The following PTH1R variants were observed in gnomAD, a reference collection of about 807,000 sequenced individuals.
PTH1R encodes parathyroid hormone 1 receptor.
A neutral mutation model predicts 70.7 loss-of-function variants in PTH1R; 32 were observed. The ratio of observed to expected loss-of-function variants is 0.45; its 90% CI spans 0.34 to 0.61. The LOEUF (loss-of-function observed/expected upper bound fraction) is 0.61, where lower values mean the gene tolerates loss of function less well. Ranked by LOEUF, PTH1R falls within the 20% of genes least tolerant of loss-of-function variation. The pLI, the probability that PTH1R is intolerant of heterozygous loss-of-function variation, is 0.01. For missense variants in PTH1R, 626 were observed against 792.5 expected, an observed-to-expected ratio of 0.79 and a Z score of 2.52; for synonymous variants, 329 against 324.8, an observed-to-expected ratio of 1.01 and a Z score of -0.14.
chr3:46,903,626 G>T lies in PTH1R; in HGVS notation c.1752G>T (p.Leu584=). 1 of 1,611,926 alleles carries T rather than the reference G, an allele frequency of 6.2e-7. No homozygotes were observed. The change falls in exon 16 of 16, where the codon CTG becomes CTT. Residue 584 remains leucine, a synonymous_variant. Coordinates refer to ENST00000449590, the MANE Select transcript of PTH1R (RefSeq NM_000316.3). This position sits in a 1 kb window ranked among gnomAD's most constrained non-coding sequence, Gnocchi z 4.4. ...CTGGGCCTGAGCGGCCACCTGCCCT[G>T]CTACAGGAAGAGTGGGAGACAGTCA... The part of the protein sequence containing the change: ...EASGPERPPA[L]LQEEWETVM
chr3:46,883,717 T>C lies in PTH1R; in HGVS notation c.75+83T>C. 6.7e-7 allele frequency: 1 copy of C among 1,485,648 alleles called. No homozygotes were observed. The highest frequency in any genetic ancestry group is 9.1e-7 in the Non-Finnish European group (1 of 1,097,798). 92.0% of individuals were successfully genotyped at this position (1,485,648 alleles called of 1,614,324 possible). A position where few individuals can be genotyped will look rare whatever the true frequency, so the allele number is the denominator to read the frequency against. On this transcript the variant is annotated intron_variant, in intron 3 of 15. Transcript: ENST00000449590. This position sits in a 1 kb window ranked among gnomAD's most constrained non-coding sequence, Gnocchi z 6.4. ...GGGATAGGTCTAAGGCACGCAGTCT[T>C]GAGTTCCCCCAGTAGTTCGAACTTT...
intron 9 of PTH1R, 134 bp from the exon 10 acceptor site, chr3:46,899,169 C>A (rs2031959354): frequency 8.2e-7 from 1 of 1,225,502 alleles, no homozygotes; most frequent in Non-Finnish European, 1.2e-6. Flanking sequence ...GAGAGCCCCC[C>A]AAACGAAGCC....
In PTH1R at chr3:46,898,511, A is replaced by G. The variant is rs948491062; in HGVS notation, c.638+39A>G. The G allele has an allele frequency of 2.0e-6, 3 of 1,477,348 alleles. No individual in the cohort carries two copies. In the African/African-American group the frequency reaches 4.1e-5, roughly 20 times the overall value. The allele number at this position is 1,477,348 out of a possible 1,614,324, so 91.5% of individuals were successfully genotyped here. On this transcript the variant is annotated intron_variant, in intron 8 of 15. Coordinates refer to ENST00000449590, the MANE Select transcript of PTH1R (RefSeq NM_000316.3). ...GGCGAGAGGCGGCGGGACATGGTGG[A>G]GGGGGGGCGGTGGCCGAGGTCTGAT...
Position 46,893,818 on chromosome 3 carries a change from G to C in PTH1R, c.76-89G>C. On this transcript the variant is annotated intron_variant, in intron 3 of 15. Coordinates refer to ENST00000449590, the MANE Select transcript of PTH1R (RefSeq NM_000316.3). The surrounding 1 kb of genome is among the most constrained non-coding windows in gnomAD (Gnocchi z 5.2). ...CTCTAGAGTCAGGGCCTTTTGAAAG[G>C]GGGTAGTCCCTCTGGGAAATTGGGA... 2.5e-6 allele frequency: 3 copies of C among 1,217,876 alleles called. No homozygotes were observed. Among genetic ancestry groups the C allele is most frequent in the South Asian group, 2.6e-5 (2 of 78,340 alleles). The allele number at this position is 1,217,876 out of a possible 1,614,324, so 75.4% of individuals were successfully genotyped here. A position where few individuals can be genotyped will look rare whatever the true frequency, so the allele number is the denominator to read the frequency against.
At position 46,902,580 on chromosome 3, in the gene PTH1R, T is replaced by C. The variant is rs1385509617; in HGVS notation, c.1266T>C (p.Ile422=). Residue 422 remains isoleucine (I), a synonymous_variant, in exon 14 of 16, where the codon ATT becomes ATC. Coordinates refer to ENST00000449590, the MANE Select transcript of PTH1R (RefSeq NM_000316.3). The surrounding 1 kb of genome is among the most constrained non-coding windows in gnomAD (Gnocchi z 5.4). ...TGCCCCTCTTTGGCGTCCACTACAT[T>C]GTCTTCATGGCCACACCATACACCG... ...VLMPLFGVHY[I]VFMATPYTEV... is the part of the protein sequence containing the mutation. 1 of 1,613,652 alleles carries C rather than the reference T, an allele frequency of 6.2e-7. No individual in the cohort carries two copies.
intron 8 of PTH1R, 64 bp from the exon 9 acceptor site, chr3:46,898,598 G>A: frequency 6.2e-7 from 1 of 1,604,692 alleles, no homozygotes; most frequent in African/African-American, 1.3e-5. Context: ...GCACAACCCA[G>A]CTTCCTGTCC....
chr3:46,899,558 C>T, intron 10 of PTH1R, 102 bp downstream of exon 10: 1 of 1,447,420 alleles, frequency 6.9e-7, no homozygotes, highest in Admixed American at 1.9e-5. Context: ...GCACATCCCG[C>T]CCCAAGTGGA....
rs1290499618 is a variant in PTH1R at position 46,879,129 on chromosome 3, G to C, written c.-106+1286G>C. ...ATGATCTGTGGCCCCACCCACAGCT[G>C]TGGAATGTCCAGCAGGGGACTCTGG... On this transcript the variant is annotated intron_variant, in intron 1 of 15. Transcript: ENST00000449590. The surrounding 1 kb of genome is among the most constrained non-coding windows in gnomAD (Gnocchi z 4.7). Among the ~76,000 whole-genome samples the C allele has an allele frequency of 6.6e-6, 1 of 152,192 alleles. No individual in the cohort carries two copies. Among genetic ancestry groups the C allele is most frequent in the Non-Finnish European group, 1.5e-5 (1 of 68,030 alleles).
At chr3:46,887,450 G>C (rs2031104033) in intron 3 of PTH1R, among the ~76,000 whole-genome samples, 1 of 128,414 alleles carries the variant, frequency 7.8e-6, no homozygotes, top group African/African-American at 2.9e-5. Flanking sequence ...GTGAGCCCCT[G>C]TCTCTGAAAA....
chr3:46,896,974 A>C lies in PTH1R; in HGVS notation c.314-881A>C, dbSNP rs184374229. ...CCAATGTGGTTAATCCCAACTTCCC[A>C]ATGAGGAAATGGAAATAGAAAGACT... On this transcript the variant is annotated intron_variant, in intron 5 of 15. Coordinates refer to ENST00000449590, the MANE Select transcript of PTH1R (RefSeq NM_000316.3). The surrounding 1 kb of genome is among the most constrained non-coding windows in gnomAD (Gnocchi z 4.1). 7.0e-3 allele frequency among the ~76,000 whole-genome samples: 1,061 copies of C among 152,298 alleles called. 10 individuals carry two copies. Among genetic ancestry groups the C allele is most frequent in the Middle Eastern group, 0.031 (9 of 292 alleles).
In PTH1R at chr3:46,902,803, C is replaced by T; in HGVS notation, c.1395+13C>T. 6.2e-7 allele frequency: 1 copy of T among 1,613,636 alleles called. No homozygotes were observed. The highest frequency in any genetic ancestry group is 8.5e-7 in the Non-Finnish European group (1 of 1,180,002). ...CTGCAATGGCGAGGTAAGCAGGAGA[C>T]AGTGTTGGCATAGGGCAGGGTGGGG... On this transcript the variant is annotated intron_variant, in intron 15 of 15. Transcript: ENST00000449590. The surrounding 1 kb of genome is among the most constrained non-coding windows in gnomAD (Gnocchi z 5.4).
In PTH1R at chr3:46,893,994, G is replaced by A; in HGVS notation, c.163G>A (p.Val55Ile). The A allele has an allele frequency of 1.9e-6, 3 of 1,614,152 alleles. No individual in the cohort carries two copies. Among genetic ancestry groups the A allele is most frequent in the Admixed American group, 1.7e-5 (1 of 60,022 alleles). The change falls in exon 4 of 16, where the codon GTC (valine) becomes ATC (isoleucine). Residue 55 changes from valine to isoleucine, a missense_variant. This residue lies in a region of PTH1R where 123 missense variants were observed against 125.7 expected (regional missense o/e 0.98). Coordinates refer to ENST00000449590, the MANE Select transcript of PTH1R (RefSeq NM_000316.3). The surrounding 1 kb of genome is among the most constrained non-coding windows in gnomAD (Gnocchi z 5.2). ...CCAGTGCGAAAAACGGCTCAAGGAG[G>A]TCCTGCAGAGGCCAGGTGGGGGTCA... ...QAQCEKRLKEVLQRPASIMES... is the reference protein window; with the variant it reads ...QAQCEKRLKEILQRPASIMES...
At chr3:46,881,644 G>A (rs1195448449) in intron 2 of PTH1R, among the ~76,000 whole-genome samples, 1 of 152,196 alleles carries the variant, frequency 6.6e-6, no homozygotes, top group Non-Finnish European at 1.5e-5. Flanking sequence ...AGACCTGGGC[G>A]GGGGTCGGGG....
chr3:46,887,474 A>G (rs1045326086), intron 3 of PTH1R, among the ~76,000 whole-genome samples: 4 of 151,536 alleles, frequency 2.6e-5, no homozygotes, highest in Admixed American at 6.6e-5. Context: ...AAAAAAAAAA[A>G]AAAGAGAGAG....
At chr3:46,897,986 T>C (rs1308793478) in intron 6 of PTH1R, 21 bp downstream of exon 6, 2 of 1,613,314 alleles carry the variant, frequency 1.2e-6, no homozygotes, top group South Asian at 2.2e-5. Flanking sequence ...CTGGAAGGGG[T>C]GGGGATTACA....
At position 46,893,788 on chromosome 3, in the gene PTH1R, C is replaced by A; in HGVS notation, c.76-119C>A. 2.2e-6 allele frequency: 2 copies of A among 898,510 alleles called. No homozygotes were observed. Among genetic ancestry groups the A allele is most frequent in the South Asian group, 1.4e-5 (1 of 69,620 alleles). 55.7% of individuals were successfully genotyped at this position (898,510 alleles called of 1,614,324 possible). A position where few individuals can be genotyped will look rare whatever the true frequency, so the allele number is the denominator to read the frequency against. ...TCCCCACATGCAGGGGAAATCCCAC[C>A]TTCCCTCTAGAGTCAGGGCCTTTTG... On this transcript the variant is annotated intron_variant, in intron 3 of 15. Coordinates refer to ENST00000449590, the MANE Select transcript of PTH1R (RefSeq NM_000316.3). This position sits in a 1 kb window ranked among gnomAD's most constrained non-coding sequence, Gnocchi z 5.2.
At position 46,901,742 on chromosome 3, in the gene PTH1R, G is replaced by C; in HGVS notation, c.1117-24G>C. 1 of 1,606,684 alleles carries C rather than the reference G, an allele frequency of 6.2e-7. No homozygotes were observed. ...CCGCCCCACTAGGGTGCAGCCTCCA[G>C]ACGCAGCCCCCTCACTCCCACAGCT... On this transcript the variant is annotated intron_variant, in intron 12 of 15. Transcript: ENST00000449590. The surrounding 1 kb of genome is among the most constrained non-coding windows in gnomAD (Gnocchi z 7.3).
At chr3:46,898,242 C>A (rs2031875148) in intron 7 of PTH1R, 50 bp downstream of exon 7, 9 of 1,600,988 alleles carry the variant, frequency 5.6e-6, no homozygotes, top group Non-Finnish European at 7.7e-6. Context: ...TCACTCCCAC[C>A]CCACGGGTGA....
At position 46,892,635 on chromosome 3, in the gene PTH1R, C is replaced by T. The variant is rs773233132; in HGVS notation, c.76-1272C>T. 673 of 640,880 alleles carry T rather than the reference C, an allele frequency of 1.1e-3. No homozygotes were observed. The highest frequency in any genetic ancestry group is 1.5e-3 in the Admixed American group (24 of 15,824). 39.7% of individuals were successfully genotyped at this position (640,880 alleles called of 1,614,324 possible). A position where few individuals can be genotyped will look rare whatever the true frequency, so the allele number is the denominator to read the frequency against. ...CTCCCTGCAGCCAGGCTCTCTGACC[C>T]GGCCTGCCCGCCCCTCTCGCCGGTG... On this transcript the variant is annotated intron_variant, in intron 3 of 15. Coordinates refer to ENST00000449590, the MANE Select transcript of PTH1R (RefSeq NM_000316.3). This position sits in a 1 kb window ranked among gnomAD's most constrained non-coding sequence, Gnocchi z 5.2.
Sources: allele counts gnomAD v4.1 joint callset (sites outside exome capture counted in the v4.1 genomes callset), GRCh38; gene constraint gnomAD v4.1.1; regional missense constraint gnomAD v4.1.1; non-coding constraint Gnocchi (gnomAD v3.1); transcripts MANE v1.5; gene names NCBI Gene and HGNC (gene_info 2026-07-23, HGNC 2026-07-21).